LRRC7: variants seen among roughly 807,000 people sequenced by gnomAD.
LRRC7 encodes leucine rich repeat containing 7, also known as leucine-rich repeat-containing protein 7.
Under a neutral mutation model 175.7 loss-of-function variants are expected in LRRC7, and 23 were observed. That is an observed-to-expected ratio of 0.13 (90% CI 0.09 to 0.19). The LOEUF is 0.19. Ranked by LOEUF, LRRC7 falls within the 10% of genes least tolerant of loss-of-function variation. The pLI, the probability that LRRC7 is intolerant of heterozygous loss-of-function variation, is 1.00. For missense variants in LRRC7, 1,354 were observed against 1,904.7 expected (o/e 0.71, Z 5.38); for synonymous variants, 685 against 680.9 (o/e 1.01, Z -0.09).
chr1:69,659,724 T>G (rs1265531191), intron 1 of LRRC7, among the ~76,000 whole-genome samples: 1 of 147,258 alleles, frequency 6.8e-6, no homozygotes, highest in Non-Finnish European at 1.5e-5. Context: ...TAAAGAAAAT[T>G]CTAAAGGATG....
chr1:69,882,948 AT>A (rs1405270760), intron 7 of LRRC7, among the ~76,000 whole-genome samples: 7 of 151,748 alleles, frequency 4.6e-5, no homozygotes, highest in South Asian at 2.1e-4. Context: ...TGAACTTATC[AT>A]TTTTTATGGC....
chr1:69,903,422 C>G (rs569719853), intron 7 of LRRC7, among the ~76,000 whole-genome samples: 3 of 152,258 alleles, frequency 2.0e-5, no homozygotes, highest in Non-Finnish European at 4.4e-5. Context: ...AGGACTGTGC[C>G]GTGAGGGACG....
At chr1:69,570,169 C>A (rs1245719950) in intron 1 of LRRC7, among the ~76,000 whole-genome samples, 2 of 151,904 alleles carry the variant, frequency 1.3e-5, no homozygotes, top group African/African-American at 2.4e-5. Flanking sequence ...ATAGCGTGGG[C>A]GAGAAGAGTG....
chr1:69,725,618 G>T (rs746923619), intron 2 of LRRC7, among the ~76,000 whole-genome samples: 1 of 152,168 alleles, frequency 6.6e-6, no homozygotes, highest in Non-Finnish European at 1.5e-5. Flanking sequence ...CACTCAAGGT[G>T]CCTAAACGTT....
intron 22 of LRRC7, among the ~76,000 whole-genome samples, chr1:70,048,558 G>A (rs779894779): frequency 6.6e-6 from 1 of 151,992 alleles, no homozygotes; most frequent in East Asian, 1.9e-4. Flanking sequence ...TGACTCATAG[G>A]TTAAAAACCT....
At chr1:69,955,106 A>G (rs1420210705) in intron 8 of LRRC7, among the ~76,000 whole-genome samples, 4 of 152,082 alleles carry the variant, frequency 2.6e-5, no homozygotes, top group Admixed American at 2.6e-4. Flanking sequence ...CCACACACAG[A>G]GCATAGCACT....
intron 8 of LRRC7, among the ~76,000 whole-genome samples, chr1:69,961,143 A>T (rs145521442): frequency 0.019 from 2,928 of 152,348 alleles, 93 homozygotes; most frequent in African/African-American, 0.068. Flanking sequence ...GTCTCAGGAT[A>T]TAAAATCAAT....
intron 25 of LRRC7, among the ~76,000 whole-genome samples, chr1:70,092,399 A>T (rs1376419894): frequency 6.6e-6 from 1 of 152,128 alleles, no homozygotes; most frequent in Non-Finnish European, 1.5e-5. Context: ...TAAGTCATTG[A>T]TTAGGAATAT....
intron 8 of LRRC7, among the ~76,000 whole-genome samples, chr1:69,964,967 T>C (rs866322483): frequency 6.6e-6 from 1 of 152,216 alleles, no homozygotes; most frequent in Non-Finnish European, 1.5e-5. Context: ...ATAGCTCATA[T>C]GTGGAGTAAT....
intron 18 of LRRC7, among the ~76,000 whole-genome samples, chr1:70,031,758 A>G (rs1658746048): frequency 6.6e-6 from 1 of 151,732 alleles, no homozygotes. Flanking sequence ...TTATCACAGC[A>G]ACCACCAAAA....
chr1:69,749,000 G>C (rs1669543465), intron 2 of LRRC7, among the ~76,000 whole-genome samples: 1 of 152,108 alleles, frequency 6.6e-6, no homozygotes, highest in Non-Finnish European at 1.5e-5. Context: ...AACTTGCCTG[G>C]AAGCCAAACT....
intron 3 of LRRC7, among the ~76,000 whole-genome samples, chr1:69,781,687 AGAAG>A (rs1673529391): frequency 6.8e-5 from 5 of 73,968 alleles, no homozygotes; most frequent in African/African-American, 2.7e-4. Flanking sequence ...CTCAAAAAAA[AGAAG>A]AAAGAAAGAA....
chr1:70,076,007 C>G, intron 23 of LRRC7, 70 bp from the exon 24 acceptor site: 1 of 1,528,958 alleles, frequency 6.5e-7, no homozygotes, highest in Non-Finnish European at 9.0e-7. Flanking sequence ...GTATTCTGTA[C>G]GTGCTTTCTA....
chr1:69,825,314 C>G (rs983152678), intron 4 of LRRC7, among the ~76,000 whole-genome samples: 1 of 152,150 alleles, frequency 6.6e-6, no homozygotes, highest in Admixed American at 6.6e-5. Flanking sequence ...TGTATAAGTT[C>G]AACCTTCCTA....
intron 4 of LRRC7, among the ~76,000 whole-genome samples, chr1:69,823,266 C>G (rs1209790132): frequency 6.6e-6 from 1 of 152,148 alleles, no homozygotes; most frequent in East Asian, 1.9e-4. Flanking sequence ...CTTCTTTGAA[C>G]TTCCATTACT....
chr1:69,929,155 T>C (rs1360576290), intron 7 of LRRC7, among the ~76,000 whole-genome samples: 1 of 152,188 alleles, frequency 6.6e-6, no homozygotes, highest in Non-Finnish European at 1.5e-5. Flanking sequence ...TCATCTGTTA[T>C]AGGTAAATGC....
At position 70,129,027 on chromosome 1, in the gene LRRC7, C is replaced by T. The variant is rs769962550; in HGVS notation, c.*7140C>T. 6.6e-6 allele frequency among the ~76,000 whole-genome samples: 1 copy of T among 152,028 alleles called. No individual in the cohort carries two copies. The highest frequency in any genetic ancestry group is 1.5e-5 in the Non-Finnish European group (1 of 68,020). On this transcript the variant is annotated 3_prime_UTR_variant, in exon 27 of 27. Coordinates refer to ENST00000651989, the MANE Select transcript of LRRC7 (RefSeq NM_001370785.2). ...TAGGGAGGCCGAGGCAGGTGGATCA[C>T]TTGAGGTCAGGAATTGGATACCAGC...
At chr1:69,803,011 TCAA>T (rs1001239447) in intron 4 of LRRC7, among the ~76,000 whole-genome samples, 1 of 151,368 alleles carries the variant, frequency 6.6e-6, no homozygotes, top group African/African-American at 2.4e-5. Context: ...ACTGATTGTT[TCAA>T]CAACATTGTG....
At chr1:70,058,815 A>G (rs1228238116) in intron 23 of LRRC7, among the ~76,000 whole-genome samples, 2 of 152,236 alleles carry the variant, frequency 1.3e-5, no homozygotes, top group Non-Finnish European at 2.9e-5. Flanking sequence ...ATGCAAAAAC[A>G]TGTTATTTTA....
Sources: allele counts gnomAD v4.1 joint callset (sites outside exome capture counted in the v4.1 genomes callset), GRCh38; gene constraint gnomAD v4.1.1; transcripts MANE v1.5; gene names NCBI Gene and HGNC (gene_info 2026-07-23, HGNC 2026-07-21).